The following CSRNP3 variants were observed in gnomAD, a reference collection of about 807,000 sequenced individuals.
CSRNP3 encodes the protein cysteine/serine-rich nuclear protein 3.
CSRNP3 carries 12 observed loss-of-function variants against 48.0 expected under a neutral mutation model. The ratio of observed to expected loss-of-function variants is 0.25; its 90% CI spans 0.16 to 0.41. The LOEUF is 0.41. CSRNP3 is among the 10% of genes least tolerant of loss of function. The pLI, the probability that CSRNP3 is intolerant of heterozygous loss-of-function variation, is 1.00. For missense variants in CSRNP3, 580 were observed against 724.4 expected, an observed-to-expected ratio of 0.80 and a Z score of 2.29; for synonymous variants, 263 against 269.7, an observed-to-expected ratio of 0.98 and a Z score of 0.24.
intron 3 of CSRNP3, among the ~76,000 whole-genome samples, chr2:165,535,090 T>C (rs191779725): frequency 2.6e-5 from 4 of 151,938 alleles, no homozygotes; most frequent in Admixed American, 2.6e-4. Flanking sequence ...ATTTAAATAC[T>C]TGTTAGTTAT....
chr2:165,506,756 C>T (rs534627712), intron 2 of CSRNP3, among the ~76,000 whole-genome samples: 33 of 152,246 alleles, frequency 2.2e-4, no homozygotes, highest in Admixed American at 6.5e-4. Context: ...CCACCCGTCA[C>T]GAACTCTATT....
chr2:165,660,139 A>T (rs1302137497), intron 5 of CSRNP3, among the ~76,000 whole-genome samples: 1 of 152,152 alleles, frequency 6.6e-6, no homozygotes, highest in Non-Finnish European at 1.5e-5. Context: ...TTTGTCACCC[A>T]CGGCAAACCA....
intron 5 of CSRNP3, among the ~76,000 whole-genome samples, chr2:165,669,219 G>C (rs144972388): frequency 2.0e-5 from 3 of 152,314 alleles, no homozygotes; most frequent in Admixed American, 6.5e-5. Flanking sequence ...GAATAATTCA[G>C]TAATGACCAG....
chr2:165,631,175 T>C (rs185907793), intron 4 of CSRNP3, among the ~76,000 whole-genome samples: 289 of 152,360 alleles, frequency 1.9e-3, no homozygotes, highest in African/African-American at 6.5e-3. Flanking sequence ...ACAGCAGTTA[T>C]GCCATGCATT....
At chr2:165,533,227 T>C (rs1465574028) in intron 3 of CSRNP3, among the ~76,000 whole-genome samples, 1 of 152,116 alleles carries the variant, frequency 6.6e-6, no homozygotes. Context: ...ATGCCTCATT[T>C]TATGTGTAGG....
intron 1 of CSRNP3, among the ~76,000 whole-genome samples, chr2:165,484,686 G>A (rs769209026): frequency 1.8e-4 from 27 of 152,232 alleles, no homozygotes; most frequent in Non-Finnish European, 3.1e-4. Flanking sequence ...GTCTTTTCCC[G>A]TAGTTTTCCT....
chr2:165,544,102 T>C (rs574199912), intron 3 of CSRNP3, among the ~76,000 whole-genome samples: 1 of 151,866 alleles, frequency 6.6e-6, no homozygotes, highest in East Asian at 1.9e-4. Flanking sequence ...TGGAATAAAA[T>C]AAAACTGGAA....
At position 165,657,959 on chromosome 2, in the gene CSRNP3, T is replaced by A; in HGVS notation, c.347T>A (p.Leu116His). 2 of 1,613,810 alleles carry A rather than the reference T, an allele frequency of 1.2e-6. No individual in the cohort carries two copies. The highest frequency in any genetic ancestry group is 1.7e-6 in the Non-Finnish European group (2 of 1,179,946). ...GAGTTTGCAAGGGAGCAGGAGAGGC[T>A]CCACCGGGAGATGTTGAGAGAACAC... ...LGEFAREQER[L>H]HREMLREHLR... The change falls in exon 5 of 7, where the codon CTC becomes CAC. Residue 116 changes from leucine (L) to histidine (H), a missense_variant. By Grantham distance (99) the Leu-to-His change is moderately conservative. This residue lies in a region of CSRNP3 where 62 missense variants were observed against 66.4 expected (regional missense o/e 0.93). Transcript: ENST00000651982.
rs1469580489 is a variant in CSRNP3 at position 165,679,444 on chromosome 2, A to G, written c.1449A>G (p.Gln483=). ...TPEQFVDYAR[Q]AEEAYGASHY... ...AGCAATTCGTTGACTATGCCCGACA[A>G]GCAGAAGAGGCCTATGGTGCCTCCC... The change falls in exon 7 of 7, where the codon CAA becomes CAG. Residue 483 remains glutamine, a synonymous_variant. Coordinates refer to ENST00000651982, the MANE Select transcript of CSRNP3 (RefSeq NM_001172173.2). 6.2e-7 allele frequency: 1 copy of G among 1,612,886 alleles called. No individual in the cohort carries two copies. Among genetic ancestry groups the G allele is most frequent in the Non-Finnish European group, 8.5e-7 (1 of 1,179,622 alleles).
At chr2:165,582,171 G>A (rs1423288883) in intron 3 of CSRNP3, among the ~76,000 whole-genome samples, 1 of 152,194 alleles carries the variant, frequency 6.6e-6, no homozygotes, top group Non-Finnish European at 1.5e-5. Context: ...CATAAACCTT[G>A]AGCAAGTGAT....
At position 165,679,315 on chromosome 2, in the gene CSRNP3, T is replaced by C. The variant is rs1490145348; in HGVS notation, c.1320T>C (p.Asp440=). ...ANSSTLYYQI[D]SHIPGTPNQI... ...CTTCAACTCTGTATTACCAAATAGA[T>C]AGCCACATTCCAGGAACTCCAAATC... is the stretch of plus-strand genomic sequence containing the variant. The change falls in exon 7 of 7, where the codon GAT becomes GAC. Residue 440 remains aspartate, a synonymous_variant. Coordinates refer to ENST00000651982, the MANE Select transcript of CSRNP3 (RefSeq NM_001172173.2). The C allele has an allele frequency of 2.5e-6, 4 of 1,613,836 alleles. No homozygotes were observed. The highest frequency in any genetic ancestry group is 4.5e-5 in the East Asian group (2 of 44,842).
At chr2:165,611,634 A>G (rs1470003139) in intron 4 of CSRNP3, among the ~76,000 whole-genome samples, 1 of 152,126 alleles carries the variant, frequency 6.6e-6, no homozygotes, top group Non-Finnish European at 1.5e-5. Flanking sequence ...TACATAAATT[A>G]ACATATTTTA....
chr2:165,611,363 ATGTG>A (rs1553479605), intron 4 of CSRNP3, among the ~76,000 whole-genome samples: 1 of 104,668 alleles, frequency 9.6e-6, no homozygotes, highest in South Asian at 2.5e-4. Context: ...TTCACGATAT[ATGTG>A]TGTGTGTGTG....
At chr2:165,607,825 A>G (rs1414109367) in intron 4 of CSRNP3, among the ~76,000 whole-genome samples, 3 of 152,060 alleles carry the variant, frequency 2.0e-5, no homozygotes, top group Non-Finnish European at 1.5e-5. Context: ...TTCTCACTCT[A>G]GGTTTAGTTC....
At chr2:165,476,392 A>G (rs992177865) in intron 1 of CSRNP3, among the ~76,000 whole-genome samples, 5 of 152,236 alleles carry the variant, frequency 3.3e-5, no homozygotes, top group African/African-American at 1.2e-4. Context: ...TTTGATATAA[A>G]TATCACCACA....
intron 3 of CSRNP3, among the ~76,000 whole-genome samples, chr2:165,524,958 A>G (rs1333433580): frequency 1.3e-5 from 2 of 152,324 alleles, no homozygotes; most frequent in East Asian, 1.9e-4. Context: ...TAGAGGGATT[A>G]TGTATCACAT....
At chr2:165,549,535 G>A (rs1010419313) in intron 3 of CSRNP3, among the ~76,000 whole-genome samples, 4 of 152,188 alleles carry the variant, frequency 2.6e-5, no homozygotes, top group Middle Eastern at 3.4e-3. Context: ...AAGCCTAAAT[G>A]TGGTAGCTCT....
chr2:165,483,771 G>C (rs572745793), intron 1 of CSRNP3, among the ~76,000 whole-genome samples: 2 of 152,280 alleles, frequency 1.3e-5, no homozygotes, highest in South Asian at 4.1e-4. Context: ...AGGAAGGCAA[G>C]GGATCTCTTC....
intron 1 of CSRNP3, among the ~76,000 whole-genome samples, chr2:165,483,224 G>GT (rs2105450228): frequency 6.6e-6 from 1 of 152,086 alleles, no homozygotes; most frequent in Admixed American, 6.5e-5. Context: ...AAACTTGCCT[G>GT]GTAACAACAC....
Sources: allele counts gnomAD v4.1 joint callset (sites outside exome capture counted in the v4.1 genomes callset), GRCh38; gene constraint gnomAD v4.1.1; regional missense constraint gnomAD v4.1.1; transcripts MANE v1.5; gene names NCBI Gene and HGNC (gene_info 2026-07-23, HGNC 2026-07-21).